The following SCD5 variants were observed in gnomAD, a reference collection of about 807,000 sequenced individuals.
SCD5 encodes the protein stearoyl-CoA desaturase 5.
A neutral mutation model predicts 30.4 loss-of-function variants in SCD5; 20 were observed. The ratio of observed to expected loss-of-function variants is 0.66; its 90% CI spans 0.46 to 0.96. The LOEUF is 0.96. SCD5 is among the 40% of genes least tolerant of loss of function. SCD5 has a pLI of 0.00. For missense variants in SCD5, 381 were observed against 443.3 expected (o/e 0.86, Z 1.26); for synonymous variants, 173 against 176.4 (o/e 0.98, Z 0.16).
intron 3 of SCD5, among the ~76,000 whole-genome samples, chr4:82,642,187 C>T (rs909908132): frequency 6.6e-6 from 1 of 151,954 alleles, no homozygotes; most frequent in Non-Finnish European, 1.5e-5. Flanking sequence ...TGCAGAGGTC[C>T]AGAGATGTCT....
rs923369399 is a variant in SCD5, at chr4:82,705,221, C to T, written c.363+62G>A. ...TGGAGGGGTGTCAGCCCATCTTTCC[C>T]CTCCTCCCATACTGCCATCTGCACT... On this transcript the variant is annotated intron_variant, in intron 2 of 4. Coordinates refer to ENST00000319540, the MANE Select transcript of SCD5 (RefSeq NM_001037582.3). 63 of 1,587,686 alleles carry T rather than the reference C, an allele frequency of 4.0e-5. No individual in the cohort carries two copies. The African/African-American group carries it at 7.5e-4, about 19-fold the overall frequency.
At chr4:82,744,248 C>T (rs1291554107) in intron 1 of SCD5, among the ~76,000 whole-genome samples, 2 of 152,200 alleles carry the variant, frequency 1.3e-5, no homozygotes, top group African/African-American at 4.8e-5. Context: ...ATGTTTTGAT[C>T]ATGCAGTCTG....
intron 1 of SCD5, among the ~76,000 whole-genome samples, chr4:82,774,355 C>T (rs1269257437): frequency 1.3e-5 from 2 of 151,762 alleles, no homozygotes; most frequent in East Asian, 1.9e-4. Flanking sequence ...GACGCATTAA[C>T]GCATGAAAAA....
At chr4:82,742,401 CAG>C (rs1460820738) in intron 1 of SCD5, among the ~76,000 whole-genome samples, 1 of 152,178 alleles carries the variant, frequency 6.6e-6, no homozygotes, top group African/African-American at 2.4e-5. Flanking sequence ...ACTGGAGAGG[CAG>C]AGAGACCCCA....
At chr4:82,637,374 A>G (rs1727455319) in intron 3 of SCD5, among the ~76,000 whole-genome samples, 1 of 152,252 alleles carries the variant, frequency 6.6e-6, no homozygotes, top group African/African-American at 2.4e-5. Flanking sequence ...AATAATAAGT[A>G]TAGAAACAGG....
At chr4:82,698,576 T>C (rs936866845) in intron 2 of SCD5, among the ~76,000 whole-genome samples, 3 of 152,228 alleles carry the variant, frequency 2.0e-5, no homozygotes, top group Non-Finnish European at 1.5e-5. Context: ...GAACAATATC[T>C]GAACTCTGCC....
chr4:82,744,571 C>T (rs1720945818), intron 1 of SCD5, among the ~76,000 whole-genome samples: 1 of 152,132 alleles, frequency 6.6e-6, no homozygotes, highest in South Asian at 2.1e-4. Flanking sequence ...TGCCTAAGGG[C>T]TTTCAAAGAC....
At chr4:82,788,187 A>G (rs1722024515) in intron 1 of SCD5, among the ~76,000 whole-genome samples, 1 of 152,210 alleles carries the variant, frequency 6.6e-6, no homozygotes, top group African/African-American at 2.4e-5. Context: ...TGCATTGTTC[A>G]TGGACTTCCC....
intron 3 of SCD5, among the ~76,000 whole-genome samples, chr4:82,666,379 G>A (rs910780052): frequency 6.6e-6 from 1 of 152,174 alleles, no homozygotes; most frequent in African/African-American, 2.4e-5. Flanking sequence ...AGCCGGGCGT[G>A]GTGGCGGGCG....
At position 82,793,725 on chromosome 4, in the gene SCD5, GAACA is replaced by G. The variant is rs1260139544; in HGVS notation, c.232+4577_232+4580del. ...TCTAATTTGATTCTCACAACTTTAG[GAACA>G]AACAGTATTAATATATCCATTTTAA... is the stretch of plus-strand genomic sequence containing the variant. On this transcript the variant is annotated intron_variant, in intron 1 of 4. Transcript: ENST00000319540. 4.6e-5 allele frequency among the ~76,000 whole-genome samples: 7 copies of G among 152,226 alleles called. No homozygotes were observed. The South Asian group carries it at 6.2e-4, about 14-fold the overall frequency.
At chr4:82,646,930 C>A (rs1727644821) in intron 3 of SCD5, among the ~76,000 whole-genome samples, 1 of 152,236 alleles carries the variant, frequency 6.6e-6, no homozygotes, top group Admixed American at 6.5e-5. Flanking sequence ...TCAAGTGATT[C>A]TCCTGCCTCA....
intron 1 of SCD5, among the ~76,000 whole-genome samples, chr4:82,783,738 G>A (rs1026258453): frequency 6.6e-6 from 1 of 151,468 alleles, no homozygotes; most frequent in East Asian, 1.9e-4. Context: ...AGGAGGCGGA[G>A]GTTGCAGTGA....
intron 1 of SCD5, among the ~76,000 whole-genome samples, chr4:82,797,642 C>A (rs926980556): frequency 4.6e-5 from 7 of 152,084 alleles, no homozygotes; most frequent in Admixed American, 4.6e-4. Flanking sequence ...TCAGACCGCT[C>A]TCGCCATGGG....
intron 3 of SCD5, among the ~76,000 whole-genome samples, chr4:82,647,807 A>G (rs1727662982): frequency 6.6e-6 from 1 of 152,268 alleles, no homozygotes; most frequent in Non-Finnish European, 1.5e-5. Flanking sequence ...TTGAAGATAT[A>G]CATGTTCAAT....
intron 2 of SCD5, among the ~76,000 whole-genome samples, chr4:82,692,913 G>A (rs1183106328): frequency 6.6e-6 from 1 of 152,212 alleles, no homozygotes; most frequent in African/African-American, 2.4e-5. Flanking sequence ...GGCTGAAGCT[G>A]GGGATAAGTA....
intron 1 of SCD5, among the ~76,000 whole-genome samples, chr4:82,784,165 G>A (rs1311546585): frequency 1.3e-5 from 2 of 152,060 alleles, no homozygotes; most frequent in Admixed American, 6.5e-5. Flanking sequence ...ACAGTAAAAT[G>A]GTTTCAAAGA....
intron 2 of SCD5, among the ~76,000 whole-genome samples, chr4:82,685,452 C>T (rs1215357806): frequency 1.3e-5 from 2 of 152,060 alleles, no homozygotes; most frequent in African/African-American, 4.8e-5. Flanking sequence ...GTGGCTCATG[C>T]CTGTAATCCC....
chr4:82,658,210 A>C lies in SCD5; in HGVS notation c.570-21387T>G, dbSNP rs188532325. On this transcript the variant is annotated intron_variant, in intron 3 of 4. Coordinates refer to ENST00000319540, the MANE Select transcript of SCD5 (RefSeq NM_001037582.3). ...GAATGCTTCCAACTTTTGCCCATTC[A>C]GTATGATATTGGCTGTGGGTTTGTC... Among the ~76,000 whole-genome samples the C allele has an allele frequency of 3.9e-4, 59 of 152,328 alleles. No individual in the cohort carries two copies. The East Asian group carries it at 6.2e-3, about 16-fold the overall frequency.
At position 82,798,727 on chromosome 4, in the gene SCD5, G is replaced by T; in HGVS notation, c.-190C>A. 3.5e-6 allele frequency: 2 copies of T among 563,854 alleles called. 1 individual carries two copies. The highest frequency in any genetic ancestry group is 6.4e-5 in the East Asian group (2 of 31,178). 34.9% of individuals were successfully genotyped at this position (563,854 alleles called of 1,614,324 possible). A position where few individuals can be genotyped will look rare whatever the true frequency, so the allele number is the denominator to read the frequency against. ...GGTCTTAGCGTGGCCTAGGGATGCA[G>T]ATCTTGGCGGCCGGCGTCTGTTGCT... is the stretch of plus-strand genomic sequence containing the variant. On this transcript the variant is annotated 5_prime_UTR_variant, in exon 1 of 5. In the 5' UTR this introduces an upstream ATG that the reference lacks. Transcript: ENST00000319540.
Sources: gnomAD v4.1 joint callset for allele counts (sites outside exome capture counted in the v4.1 genomes callset) on GRCh38, gnomAD v4.1.1 for gene constraint, MANE v1.5 for transcripts, NCBI Gene and HGNC (gene_info 2026-07-23, HGNC 2026-07-21) for gene names.